Variants in ARHGAP15 observed in about 807,000 individuals in gnomAD.
The protein encoded by ARHGAP15 is Rho GTPase activating protein 15.
Under a neutral mutation model 63.7 loss-of-function variants are expected in ARHGAP15, and 51 were observed. The ratio of observed to expected loss-of-function variants is 0.80; its 90% CI spans 0.64 to 1.01. The LOEUF is 1.01. Ranked by LOEUF, ARHGAP15 falls within the 50% of genes least tolerant of loss-of-function variation. The pLI, the probability that ARHGAP15 is intolerant of heterozygous loss-of-function variation, is 0.00. For synonymous variants in ARHGAP15, 191 were observed against 193.8 expected (o/e 0.99, Z 0.12); for missense variants, 560 against 564.6 (o/e 0.99, Z 0.08).
chr2:143,211,418 G>A (rs143856758), intron 3 of ARHGAP15, among the ~76,000 whole-genome samples: 244 of 152,224 alleles, frequency 1.6e-3, no homozygotes, highest in Non-Finnish European at 2.5e-3. Flanking sequence ...GTAACCAAAT[G>A]TGTCCTCATT....
At chr2:143,474,823 C>T (rs1381113835) in intron 8 of ARHGAP15, among the ~76,000 whole-genome samples, 4 of 152,068 alleles carry the variant, frequency 2.6e-5, no homozygotes, top group East Asian at 1.9e-4. Flanking sequence ...GGTTATCTGA[C>T]GGTCAACAAC....
intron 6 of ARHGAP15, among the ~76,000 whole-genome samples, chr2:143,256,637 C>CT (rs1199472123): frequency 1.3e-5 from 2 of 152,032 alleles, no homozygotes; most frequent in Non-Finnish European, 2.9e-5. Flanking sequence ...TACTCCCCTA[C>CT]TGAGGTATCA....
intron 6 of ARHGAP15, among the ~76,000 whole-genome samples, chr2:143,362,046 G>C (rs1005122364): frequency 3.3e-5 from 5 of 152,034 alleles, no homozygotes; most frequent in Non-Finnish European, 5.9e-5. Context: ...AGTTTAAGTT[G>C]GTTTTCCAGA....
intron 6 of ARHGAP15, among the ~76,000 whole-genome samples, chr2:143,410,725 CAG>C (rs1296009017): frequency 6.6e-6 from 1 of 150,992 alleles, no homozygotes; most frequent in Non-Finnish European, 1.5e-5. Context: ...AAAATTAAAA[CAG>C]AGAGCAGATA....
At chr2:143,692,395 C>T (rs1256389687) in intron 12 of ARHGAP15, among the ~76,000 whole-genome samples, 1 of 152,176 alleles carries the variant, frequency 6.6e-6, no homozygotes, top group East Asian at 1.9e-4. Flanking sequence ...AAGTCTCCGA[C>T]TTTCATTAGC....
intron 9 of ARHGAP15, among the ~76,000 whole-genome samples, chr2:143,501,228 CA>C (rs1228997338): frequency 6.6e-6 from 1 of 152,136 alleles, no homozygotes; most frequent in East Asian, 1.9e-4. Context: ...TAATTTGTAC[CA>C]CCTCATACAT....
chr2:143,500,310 C>T (rs902534753), intron 9 of ARHGAP15, among the ~76,000 whole-genome samples: 4 of 151,336 alleles, frequency 2.6e-5, no homozygotes, highest in Non-Finnish European at 5.9e-5. Flanking sequence ...TTAAAAGCAT[C>T]AATCTACAGT....
intron 6 of ARHGAP15, among the ~76,000 whole-genome samples, chr2:143,401,450 C>T (rs1478643093): frequency 6.6e-6 from 1 of 151,888 alleles, no homozygotes; most frequent in Non-Finnish European, 1.5e-5. Context: ...TTACATACAG[C>T]CACTGATTCA....
chr2:143,374,059 AATT>A (rs1686697506), intron 6 of ARHGAP15, among the ~76,000 whole-genome samples: 1 of 152,176 alleles, frequency 6.6e-6, no homozygotes, highest in African/African-American at 2.4e-5. Flanking sequence ...TGTGAGGTAC[AATT>A]ATTCTGTTAC....
At chr2:143,703,809 T>C in intron 13 of ARHGAP15, 1 of 242,496 alleles carries the variant, frequency 4.1e-6, no homozygotes, top group South Asian at 1.0e-4. Flanking sequence ...ATGGGTCATC[T>C]TGACTTTGTT....
chr2:143,685,331 C>T (rs1210772305), intron 12 of ARHGAP15, among the ~76,000 whole-genome samples: 1 of 152,150 alleles, frequency 6.6e-6, no homozygotes, highest in African/African-American at 2.4e-5. Flanking sequence ...AAAACACAGT[C>T]GAGCTATTTG....
chr2:143,519,258 T>C lies in ARHGAP15; in HGVS notation c.827-8T>C. On this transcript the variant is annotated splice_region_variant and splice_polypyrimidine_tract_variant and intron_variant, in intron 9 of 13. Coordinates refer to ENST00000295095, the MANE Select transcript of ARHGAP15 (RefSeq NM_018460.4). ...TTTTAATGAAGCTCATCTTTGTTTC[T>C]TTTGCAGATCAAATTTTTGGCTCTC... The C allele has an allele frequency of 6.2e-7, 1 of 1,605,354 alleles. No homozygotes were observed.
chr2:143,403,649 A>G (rs1160019715), intron 6 of ARHGAP15, among the ~76,000 whole-genome samples: 2 of 151,960 alleles, frequency 1.3e-5, no homozygotes, highest in Non-Finnish European at 2.9e-5. Context: ...GAAGAAATAT[A>G]TGCGTGAGAT....
rs561005096 is a variant in ARHGAP15 at position 143,433,946 on chromosome 2, C to T, written c.475-1655C>T. On this transcript the variant is annotated intron_variant, in intron 6 of 13. Coordinates refer to ENST00000295095, the MANE Select transcript of ARHGAP15 (RefSeq NM_018460.4). ...ACTAGTTTTCTTGTGTTAGAAATGA[C>T]CTTATATTTTTAGATTACTATTTCT... Among the ~76,000 whole-genome samples, 11 of 152,028 alleles carry T rather than the reference C, an allele frequency of 7.2e-5. No homozygotes were observed. In the South Asian group the frequency reaches 2.3e-3, roughly 32 times the overall value.
chr2:143,195,365 C>G (rs1038565094), intron 2 of ARHGAP15, among the ~76,000 whole-genome samples: 1 of 152,042 alleles, frequency 6.6e-6, no homozygotes, highest in African/African-American at 2.4e-5. Context: ...ATCTTTCTTT[C>G]GTTTATGACA....
intron 2 of ARHGAP15, among the ~76,000 whole-genome samples, chr2:143,197,286 GGTTC>G (rs1691917111): frequency 6.6e-6 from 1 of 151,806 alleles, no homozygotes; most frequent in Non-Finnish European, 1.5e-5. Flanking sequence ...ATAAATAAAT[GGTTC>G]ATAAGGACAT....
At chr2:143,337,514 G>GC (rs1684859274) in intron 6 of ARHGAP15, among the ~76,000 whole-genome samples, 1 of 152,070 alleles carries the variant, frequency 6.6e-6, no homozygotes, top group Admixed American at 6.6e-5. Flanking sequence ...TCAGGAAAGA[G>GC]CTACTTAAAT....
chr2:143,222,528 G>A (rs1037240758), intron 4 of ARHGAP15, among the ~76,000 whole-genome samples: 12 of 152,132 alleles, frequency 7.9e-5, no homozygotes, highest in Non-Finnish European at 2.9e-5. Flanking sequence ...TTCTTATAAC[G>A]GTAATGAATA....
chr2:143,333,103 T>C (rs1263891564), intron 6 of ARHGAP15, among the ~76,000 whole-genome samples: 2 of 152,078 alleles, frequency 1.3e-5, no homozygotes, highest in African/African-American at 2.4e-5. Flanking sequence ...TAACGAGCAG[T>C]TTAAAAAATA....
Sources: allele counts gnomAD v4.1 joint callset (sites outside exome capture counted in the v4.1 genomes callset), GRCh38; gene constraint gnomAD v4.1.1; transcripts MANE v1.5; gene names NCBI Gene and HGNC (gene_info 2026-07-23, HGNC 2026-07-21).